Variants in MBOAT1 observed in about 807,000 individuals in gnomAD.
The protein encoded by MBOAT1 is membrane bound glycerophospholipid O-acyltransferase 1.
Under a neutral mutation model 64.4 loss-of-function variants are expected in MBOAT1, and 67 were observed. That is an observed-to-expected ratio of 1.04 (90% CI 0.85 to 1.27). The LOEUF (loss-of-function observed/expected upper bound fraction) is 1.27, where lower values mean the gene tolerates loss of function less well. Ranked by LOEUF, MBOAT1 falls within the 50% of genes most tolerant of loss-of-function variation. MBOAT1 has a pLI of 0.00. For missense variants in MBOAT1, 563 were observed against 604.6 expected (o/e 0.93, Z 0.72); for synonymous variants, 229 against 218.9 (o/e 1.05, Z -0.41).
intron 1 of MBOAT1, among the ~76,000 whole-genome samples, chr6:20,169,516 T>C (rs1581440706): frequency 1.3e-5 from 2 of 152,164 alleles, no homozygotes; most frequent in Non-Finnish European, 2.9e-5. Context: ...TTTGAGCTTC[T>C]ATTATGTAAT....
At chr6:20,137,383 A>T (rs1360613644) in intron 4 of MBOAT1, among the ~76,000 whole-genome samples, 1 of 152,194 alleles carries the variant, frequency 6.6e-6, no homozygotes, top group Admixed American at 6.5e-5. Flanking sequence ...CCCTTCTGTG[A>T]GCAAAAAGGA....
At chr6:20,176,243 C>T (rs909955844) in intron 1 of MBOAT1, among the ~76,000 whole-genome samples, 2 of 151,744 alleles carry the variant, frequency 1.3e-5, no homozygotes, top group Admixed American at 1.3e-4. Context: ...GTGATTGCAC[C>T]ACCGCAGTAA....
intron 10 of MBOAT1, 122 bp from the exon 11 acceptor site, chr6:20,113,130 T>A: frequency 8.2e-7 from 1 of 1,223,670 alleles, no homozygotes; most frequent in Non-Finnish European, 1.1e-6. Flanking sequence ...GATGCCTCCC[T>A]AACCGTCTTC....
chr6:20,162,922 G>A (rs918566816), intron 1 of MBOAT1, among the ~76,000 whole-genome samples: 1 of 152,180 alleles, frequency 6.6e-6, no homozygotes, highest in African/African-American at 2.4e-5. Context: ...AGTCCCTCTA[G>A]AATGGGATAA....
chr6:20,124,132 T>C (rs1760581293), intron 8 of MBOAT1, among the ~76,000 whole-genome samples: 2 of 152,146 alleles, frequency 1.3e-5, no homozygotes, highest in Non-Finnish European at 2.9e-5. Context: ...CCAACTTTGA[T>C]TGGTAGAAGG....
chr6:20,109,473 T>G, intron 12 of MBOAT1, 125 bp downstream of exon 12: 1 of 1,208,326 alleles, frequency 8.3e-7, no homozygotes, highest in Non-Finnish European at 1.2e-6. Flanking sequence ...CTATGGACAC[T>G]TCCCACACTG....
intron 1 of MBOAT1, among the ~76,000 whole-genome samples, chr6:20,208,233 G>T (rs1763317138): frequency 6.6e-6 from 1 of 151,774 alleles, no homozygotes; most frequent in Non-Finnish European, 1.5e-5. Flanking sequence ...GGATCACAAG[G>T]TCAGGAGTTC....
In MBOAT1 at chr6:20,101,097, AAG is replaced by A. The variant is rs1406945380; in HGVS notation, c.*1187_*1188del. Among the ~76,000 whole-genome samples the A allele has an allele frequency of 1.3e-5, 2 of 152,176 alleles. No individual in the cohort carries two copies. The highest frequency in any genetic ancestry group is 2.9e-5 in the Non-Finnish European group (2 of 68,026). Reference sequence around the variant, plus strand: ...AACACCTCCATGAAATGAGGGAGAAAAGAGAGAAACAACTGCTTCTTCTTACC... The same window carrying A: ...AACACCTCCATGAAATGAGGGAGAAAAGAGAAACAACTGCTTCTTCTTACC... On this transcript the variant is annotated 3_prime_UTR_variant, in exon 13 of 13. Coordinates refer to ENST00000324607, the MANE Select transcript of MBOAT1 (RefSeq NM_001080480.3).
intron 1 of MBOAT1, among the ~76,000 whole-genome samples, chr6:20,181,481 C>T (rs536837125): frequency 2.0e-5 from 3 of 152,272 alleles, no homozygotes; most frequent in Admixed American, 6.5e-5. Context: ...TTTCTTCTTT[C>T]TTGAACTCCA....
At chr6:20,125,275 A>G (rs766343454) in intron 7 of MBOAT1, among the ~76,000 whole-genome samples, 1 of 152,194 alleles carries the variant, frequency 6.6e-6, no homozygotes, top group African/African-American at 2.4e-5. Flanking sequence ...AAAGACTTTT[A>G]TTGGTAGTAT....
intron 1 of MBOAT1, among the ~76,000 whole-genome samples, chr6:20,209,685 C>T (rs992341479): frequency 6.6e-6 from 1 of 152,136 alleles, no homozygotes; most frequent in African/African-American, 2.4e-5. Context: ...TTGAGCATAT[C>T]CCAGGCCAAT....
At chr6:20,161,958 G>A (rs550791501) in intron 1 of MBOAT1, among the ~76,000 whole-genome samples, 409 of 152,104 alleles carry the variant, frequency 2.7e-3, no homozygotes, top group Non-Finnish European at 5.0e-3. Flanking sequence ...TGAGGGTGTC[G>A]GCAGGGTTGG....
chr6:20,182,817 T>C (rs1762546931), intron 1 of MBOAT1, among the ~76,000 whole-genome samples: 1 of 152,292 alleles, frequency 6.6e-6, no homozygotes, highest in South Asian at 2.1e-4. Flanking sequence ...CACATCAAAG[T>C]TGATATCTGG....
chr6:20,112,870 A>C lies in MBOAT1; in HGVS notation c.1209+6T>G, dbSNP rs1191307598. On this transcript the variant is annotated splice_donor_region_variant and intron_variant, in intron 11 of 12. Transcript: ENST00000324607. ...GGGAAAGACCCTAGGCCTAAAGCACACTTACCGCTCTAGCTGCTAATGTGA... is the reference window on the plus strand; with the variant it reads ...GGGAAAGACCCTAGGCCTAAAGCACCCTTACCGCTCTAGCTGCTAATGTGA... 6.2e-7 allele frequency: 1 copy of C among 1,612,494 alleles called. No individual in the cohort carries two copies. The highest frequency in any genetic ancestry group is 1.3e-5 in the African/African-American group (1 of 74,910).
In MBOAT1 at chr6:20,153,265, A is replaced by C. The variant is rs548416487; in HGVS notation, c.100-496T>G. Among the ~76,000 whole-genome samples, 23 of 152,338 alleles carry C rather than the reference A, an allele frequency of 1.5e-4. No individual in the cohort carries two copies. The East Asian group carries it at 4.1e-3, about 27-fold the overall frequency. ...AGAAAACTATACCCTCGTGTGGTATAAGATGTGACAAACCCAACAGTTTTT... is the reference window on the plus strand; with the variant it reads ...AGAAAACTATACCCTCGTGTGGTATCAGATGTGACAAACCCAACAGTTTTT... On this transcript the variant is annotated intron_variant, in intron 1 of 12. Coordinates refer to ENST00000324607, the MANE Select transcript of MBOAT1 (RefSeq NM_001080480.3).
chr6:20,168,432 T>A (rs902814260), intron 1 of MBOAT1, among the ~76,000 whole-genome samples: 1 of 147,992 alleles, frequency 6.8e-6, no homozygotes, highest in Non-Finnish European at 1.5e-5. Context: ...CCCACTGCCC[T>A]CCAGCCTGGG....
chr6:20,158,127 G>A (rs1761748548), intron 1 of MBOAT1, among the ~76,000 whole-genome samples: 1 of 146,696 alleles, frequency 6.8e-6, no homozygotes, highest in Admixed American at 6.9e-5. Flanking sequence ...CTGCACTCCA[G>A]CCTGGGTGAC....
intron 1 of MBOAT1, among the ~76,000 whole-genome samples, chr6:20,155,185 C>G (rs953217380): frequency 1.3e-5 from 2 of 152,172 alleles, no homozygotes; most frequent in Non-Finnish European, 2.9e-5. Flanking sequence ...ATCCACGTCC[C>G]CTTGGAAACT....
intron 3 of MBOAT1, among the ~76,000 whole-genome samples, chr6:20,148,935 G>C (rs772105188): frequency 6.6e-6 from 1 of 151,334 alleles, no homozygotes; most frequent in Non-Finnish European, 1.5e-5. Context: ...ACCCCGTCTC[G>C]ACTAAAAATA....
Sources: allele counts gnomAD v4.1 joint callset (sites outside exome capture counted in the v4.1 genomes callset), GRCh38; gene constraint gnomAD v4.1.1; transcripts MANE v1.5; gene names NCBI Gene and HGNC (gene_info 2026-07-23, HGNC 2026-07-21).